Variants in USP33 observed in about 807,000 individuals in gnomAD.
USP33 encodes ubiquitin carboxyl-terminal hydrolase 33.
Under a neutral mutation model 124.2 loss-of-function variants are expected in USP33, and 46 were observed. That is an observed-to-expected ratio of 0.37 (90% CI 0.29 to 0.47). USP33 has a LOEUF of 0.47. Ranked by LOEUF, USP33 falls within the 20% of genes least tolerant of loss-of-function variation. The pLI is 0.99. For synonymous variants in USP33, 350 were observed against 352.3 expected (o/e 0.99, Z 0.07); for missense variants, 851 against 1,070.6 (o/e 0.79, Z 2.86).
At chr1:77,737,210 G>C (rs1206903628) in intron 5 of USP33, among the ~76,000 whole-genome samples, 1 of 152,174 alleles carries the variant, frequency 6.6e-6, no homozygotes, top group African/African-American at 2.4e-5. Flanking sequence ...AAAGAATTTA[G>C]CATGTACTCT....
In USP33 at chr1:77,729,904, C is replaced by T; in HGVS notation, c.673G>A (p.Gly225Arg). ...GSVVPTTLFQ[G>R]IKTVNPTFRG... ...AATGTTGGATTTACAGTTTTAATTC[C>T]TTGAAACAGAGTAGTAGGCACAACA... The change falls in exon 9 of 24, where the codon GGA (glycine) becomes AGA (arginine). Residue 225 changes from glycine to arginine, a missense_variant. Transcript: ENST00000370794. 6.2e-7 allele frequency: 1 copy of T among 1,613,750 alleles called. No individual in the cohort carries two copies. The highest frequency in any genetic ancestry group is 1.1e-5 in the South Asian group (1 of 91,054).
At position 77,740,903 on chromosome 1, in the gene USP33, C is replaced by G; in HGVS notation, c.172G>C (p.Val58Leu). 14 of 1,568,712 alleles carry G rather than the reference C, an allele frequency of 8.9e-6. No individual in the cohort carries two copies. The highest frequency in any genetic ancestry group is 1.2e-5 in the Non-Finnish European group (14 of 1,154,190). Residue 58 changes from valine to leucine, a missense_variant, in exon 4 of 24, where the codon GTA becomes CTA. Coordinates refer to ENST00000370794, the MANE Select transcript of USP33 (RefSeq NM_201624.3). ...TGAGAATGTATGGTGCTGTGATCTA[C>G]TTGTGATTCACCACAGCCAACATAT... Reference protein sequence around the residue: ...CSYVGCGESQVDHSTIHSQET... With the variant: ...CSYVGCGESQLDHSTIHSQET...
At chr1:77,720,422 C>A (rs1404631022) in intron 15 of USP33, 4 of 985,400 alleles carry the variant, frequency 4.1e-6, no homozygotes, top group South Asian at 4.7e-5. Context: ...CAAAGTGATA[C>A]TTTCTCCAAA....
At chr1:77,697,584 T>C in intron 23 of USP33, 110 bp from the exon 24 acceptor site, 1 of 1,315,342 alleles carries the variant, frequency 7.6e-7, no homozygotes, top group Non-Finnish European at 1.0e-6. Context: ...TGAGAACTTC[T>C]GGAACATGAA....
At chr1:77,710,410 T>C (rs1675115043) in intron 21 of USP33, among the ~76,000 whole-genome samples, 2 of 152,212 alleles carry the variant, frequency 1.3e-5, no homozygotes, top group African/African-American at 2.4e-5. Flanking sequence ...CTATTCAAAA[T>C]ACTTAGAATA....
chr1:77,706,743 G>A (rs114191610), intron 21 of USP33, among the ~76,000 whole-genome samples: 4,586 of 152,192 alleles, frequency 0.03, 85 homozygotes, highest in Non-Finnish European at 0.044. Flanking sequence ...TATCTTACAC[G>A]ATGTAGTATA....
intron 12 of USP33, among the ~76,000 whole-genome samples, chr1:77,722,583 G>A (rs1206007291): frequency 2.6e-5 from 4 of 152,028 alleles, no homozygotes; most frequent in Non-Finnish European, 5.9e-5. Context: ...TTTTTTAAAA[G>A]GGTGAGACAA....
At chr1:77,713,442 G>A (rs1374980609) in intron 19 of USP33, 161 bp from the exon 20 acceptor site, 2 of 589,064 alleles carry the variant, frequency 3.4e-6, no homozygotes, top group Non-Finnish European at 5.6e-6. Context: ...AGAGTGCAGT[G>A]GCATGATCAT....
intron 21 of USP33, among the ~76,000 whole-genome samples, chr1:77,708,558 C>T (rs934421159): frequency 2.0e-5 from 3 of 152,190 alleles, no homozygotes; most frequent in African/African-American, 7.2e-5. Context: ...CAGCTGAAAT[C>T]GTTTCCAAGG....
intron 21 of USP33, among the ~76,000 whole-genome samples, chr1:77,704,414 T>G (rs916805732): frequency 6.6e-6 from 1 of 152,232 alleles, no homozygotes; most frequent in African/African-American, 2.4e-5. Context: ...ACCACTACCA[T>G]GTTTGAAAAC....
intron 1 of USP33, among the ~76,000 whole-genome samples, chr1:77,745,889 G>C (rs976648524): frequency 1.5e-4 from 23 of 152,182 alleles, no homozygotes; most frequent in African/African-American, 4.1e-4. Context: ...GCAGTGTGTA[G>C]AGGGAAATTT....
intron 12 of USP33, 75 bp from the exon 13 acceptor site, chr1:77,722,271 C>A (rs1676646134): frequency 1.5e-6 from 2 of 1,313,258 alleles, no homozygotes; most frequent in South Asian, 1.8e-5. Flanking sequence ...ATTTTAGACT[C>A]TAAAGATCAA....
At chr1:77,716,184 G>A (rs1043223042) in intron 17 of USP33, among the ~76,000 whole-genome samples, 1 of 152,168 alleles carries the variant, frequency 6.6e-6, no homozygotes, top group African/African-American at 2.4e-5. Flanking sequence ...TCAGCCTCCT[G>A]AGTAATTGGA....
At chr1:77,733,402 AAAG>A (rs1342074796) in intron 7 of USP33, among the ~76,000 whole-genome samples, 8 of 151,838 alleles carry the variant, frequency 5.3e-5, no homozygotes, top group Non-Finnish European at 8.8e-5. Flanking sequence ...AAAAAAAAAA[AAAG>A]AAAAAAAAAG....
intron 1 of USP33, among the ~76,000 whole-genome samples, chr1:77,753,176 A>G (rs890494553): frequency 2.2e-4 from 33 of 152,260 alleles, no homozygotes; most frequent in African/African-American, 8.0e-4. Flanking sequence ...AGAATCAACC[A>G]TATAAACTGA....
chr1:77,713,329 C>T, intron 19 of USP33, 48 bp from the exon 20 acceptor site: 2 of 1,476,860 alleles, frequency 1.4e-6, no homozygotes, highest in Non-Finnish European at 1.8e-6. Context: ...AATTATATTC[C>T]TTTCAAACAT....
chr1:77,715,136 A>T (rs979835705), intron 18 of USP33, among the ~76,000 whole-genome samples: 1 of 152,202 alleles, frequency 6.6e-6, no homozygotes, highest in African/African-American at 2.4e-5. Flanking sequence ...TTTCATTATT[A>T]GCTACTTTGG....
intron 17 of USP33, 172 bp downstream of exon 17, chr1:77,717,695 A>C: frequency 2.5e-6 from 1 of 396,264 alleles, no homozygotes; most frequent in Non-Finnish European, 4.4e-6. Flanking sequence ...TATTTTGTAG[A>C]GATGGGGTTT....
At chr1:77,734,609 G>A (rs914998289) in intron 6 of USP33, among the ~76,000 whole-genome samples, 193 bp from the exon 7 acceptor site, 1 of 152,176 alleles carries the variant, frequency 6.6e-6, no homozygotes, top group Non-Finnish European at 1.5e-5. Context: ...TAAATTCAAG[G>A]ATTAAACAGT....
Sources: gnomAD v4.1 joint callset for allele counts (sites outside exome capture counted in the v4.1 genomes callset) on GRCh38, gnomAD v4.1.1 for gene constraint, MANE v1.5 for transcripts, NCBI Gene and HGNC (gene_info 2026-07-23, HGNC 2026-07-21) for gene names.